The following ARVCF variants were observed in gnomAD, a reference collection of about 807,000 sequenced individuals.
ARVCF encodes ARVCF delta catenin family member.
In ARVCF, 66 loss-of-function variants were observed where a neutral mutation model predicts 90.9. The ratio of observed to expected loss-of-function variants is 0.73; its 90% confidence interval spans 0.60 to 0.89. ARVCF has a LOEUF of 0.89. Ranked by LOEUF, ARVCF falls within the 40% of genes least tolerant of loss-of-function variation. ARVCF has a pLI of 0.00. For missense variants in ARVCF, 1,469 were observed against 1,382.3 expected, an observed-to-expected ratio of 1.06 and a Z score of -1.00; for synonymous variants, 653 against 603.4, an observed-to-expected ratio of 1.08 and a Z score of -1.21.
chr22:20,008,708 G>T (rs770467865), intron 2 of ARVCF, among the ~76,000 whole-genome samples: 1 of 152,216 alleles, frequency 6.6e-6, no homozygotes, highest in Non-Finnish European at 1.5e-5. Flanking sequence ...GCAGGCAGCC[G>T]CAAGCCAGAG....
chr22:19,985,682 T>G (rs917479), intron 3 of ARVCF, among the ~76,000 whole-genome samples: 63,267 of 152,090 alleles, frequency 0.42, 13,869 homozygotes, highest in African/African-American at 0.55. Context: ...TGGTCCCATA[T>G]TACTTATCTA....
chr22:20,012,081 C>CA (rs950828486), intron 1 of ARVCF, among the ~76,000 whole-genome samples: 7 of 128,600 alleles, frequency 5.4e-5, no homozygotes, highest in Non-Finnish European at 7.1e-5. Context: ...TCCCAAAGTC[C>CA]CCCCCCCCCA....
rs1477386373 is a variant in ARVCF at position 19,980,216 on chromosome 22, C to T, written c.923G>A (p.Gly308Asp). Residue 308 changes from glycine (G) to aspartate (D), a missense_variant, in exon 6 of 20, where the codon GGC becomes GAC. Coordinates refer to ENST00000263207, the MANE Select transcript of ARVCF (RefSeq NM_001670.3). The part of the protein sequence containing the change: ...TRAYEDTADD[G>D]GELADERPAF... The stretch of plus-strand genomic sequence containing the variant: ...AGGCCGCTCGTCCGCCAGCTCGCCG[C>T]CATCATCTGCTGTGTCCTCGTAGGC... The T allele has an allele frequency of 1.9e-6, 3 of 1,541,248 alleles. No homozygotes were observed. The highest frequency in any genetic ancestry group is 2.6e-6 in the Non-Finnish European group (3 of 1,144,918).
At chr22:19,978,143 G>C in intron 7 of ARVCF, 68 bp from the exon 8 acceptor site, 1 of 1,445,910 alleles carries the variant, frequency 6.9e-7, no homozygotes. Context: ...CCCTGGCCTT[G>C]TGGGCTTGTC....
At chr22:20,000,722 G>C (rs2106140) in intron 2 of ARVCF, among the ~76,000 whole-genome samples, 1 of 152,014 alleles carries the variant, frequency 6.6e-6, no homozygotes, top group African/African-American at 2.4e-5. Flanking sequence ...AGGGCCTTTA[G>C]GAGGTGATTA....
intron 7 of ARVCF, among the ~76,000 whole-genome samples, chr22:19,978,421 C>T: frequency 6.6e-6 from 1 of 152,206 alleles, no homozygotes; most frequent in East Asian, 1.9e-4. Flanking sequence ...ACCCCAATGG[C>T]AGCTCTGGGC....
downstream of ARVCF, chr22:19,968,838 A>T (rs181896876): frequency 4.7e-5 from 53 of 1,126,428 alleles, no homozygotes; most frequent in African/African-American, 6.4e-4. Context: ...TGTGTCCTAA[A>T]TGCAAAGCAC....
At chr22:19,968,743 C>CT, downstream of ARVCF, 1 of 1,607,958 alleles carries the variant, frequency 6.2e-7, no homozygotes, top group Non-Finnish European at 8.5e-7. Flanking sequence ...CTGACTGCCC[C>CT]CCCGGCCCCC....
rs758731278 is a variant in ARVCF at position 19,972,385 on chromosome 22, C to T, written c.2668G>A (p.Val890Met). 10 of 1,613,574 alleles carry T rather than the reference C, an allele frequency of 6.2e-6. No homozygotes were observed. In the African/African-American group the frequency reaches 9.3e-5, roughly 15 times the overall value. The change falls in exon 17 of 20, where the codon GTG (valine) becomes ATG (methionine). Residue 890 changes from valine to methionine, a missense_variant. Physicochemically the swap from Val to Met is conservative, Grantham distance 21. Coordinates refer to ENST00000263207, the MANE Select transcript of ARVCF (RefSeq NM_001670.3). The part of the protein sequence containing the change: ...LEGEKTGSRD[V>M]IPMDALGPDG... ...GGGCCCAGCGCATCCATGGGGATCA[C>T]ATCCCGGCTGCCAGTTTTCTCGCCC...
In ARVCF at chr22:19,981,960, A is replaced by G; in HGVS notation, c.342T>C (p.Asp114=). Residue 114 remains aspartate (D), a synonymous_variant, in exon 4 of 20, where the codon GAT becomes GAC. Transcript: ENST00000263207. ...TSHVSIVTSE[D]GTTRRTETKV... is the part of the protein sequence containing the mutation. The stretch of plus-strand genomic sequence containing the variant: ...TGGTCTCGGTGCGCCGGGTTGTGCC[A>G]TCTTCGGATGTGACAATAGACACAT... 1 of 1,612,832 alleles carries G rather than the reference A, an allele frequency of 6.2e-7. No homozygotes were observed. Among genetic ancestry groups the G allele is most frequent in the African/African-American group, 1.3e-5 (1 of 74,924 alleles).
Position 19,990,730 on chromosome 22 carries a change from C to T in ARVCF, c.65G>A (p.Arg22His), listed in dbSNP as rs186539515. The T allele has an allele frequency of 2.8e-5, 45 of 1,592,952 alleles. No individual in the cohort carries two copies. In the Admixed American group the frequency reaches 3.3e-4, roughly 12 times the overall value. The change falls in exon 3 of 20, where the codon CGC (arginine) becomes CAC (histidine). Residue 22 changes from arginine (R) to histidine (H), a missense_variant. Coordinates refer to ENST00000263207, the MANE Select transcript of ARVCF (RefSeq NM_001670.3). The stretch of plus-strand genomic sequence containing the variant: ...CAGTGCCCGTGTCAGCCTCTCGAAG[C>T]GGGCCTCCTGCTCCTTCACCGAGGC... ...ILASVKEQEARFERLTRALEQ... is the reference protein window; with the variant it reads ...ILASVKEQEAHFERLTRALEQ...
chr22:20,003,280 A>G (rs916516994), intron 2 of ARVCF, among the ~76,000 whole-genome samples: 1 of 152,232 alleles, frequency 6.6e-6, no homozygotes, highest in African/African-American at 2.4e-5. Context: ...TCTACCAAAC[A>G]TTCAAGTAAT....
At chr22:20,002,735 G>A (rs1015248341) in intron 2 of ARVCF, among the ~76,000 whole-genome samples, 4 of 152,202 alleles carry the variant, frequency 2.6e-5, no homozygotes, top group African/African-American at 9.7e-5. Flanking sequence ...ACCACCACAA[G>A]TTTGTGAGAA....
intron 2 of ARVCF, among the ~76,000 whole-genome samples, chr22:19,992,261 C>T (rs1160474280): frequency 6.6e-6 from 1 of 152,230 alleles, no homozygotes; most frequent in Non-Finnish European, 1.5e-5. Flanking sequence ...AAACTGTCAA[C>T]ACAACCTTTC....
intron 11 of ARVCF, among the ~76,000 whole-genome samples, 200 bp from the exon 12 acceptor site, chr22:19,974,439 G>A (rs1463329364): frequency 6.6e-6 from 1 of 152,148 alleles, no homozygotes; most frequent in Non-Finnish European, 1.5e-5. Flanking sequence ...GGAACAAACT[G>A]AGGCTCAAAT....
chr22:19,984,750 C>T (rs1943677066), intron 3 of ARVCF, among the ~76,000 whole-genome samples: 1 of 152,230 alleles, frequency 6.6e-6, no homozygotes, highest in Non-Finnish European at 1.5e-5. Context: ...CGTCCTCCAC[C>T]GTGTATCGGA....
At chr22:20,008,413 C>G (rs555331184) in intron 2 of ARVCF, among the ~76,000 whole-genome samples, 1 of 152,326 alleles carries the variant, frequency 6.6e-6, no homozygotes, top group African/African-American at 2.4e-5. Flanking sequence ...CCCAGCTCCC[C>G]CTCCTAAGGG....
chr22:19,973,451 C>T, intron 13 of ARVCF, 134 bp from the exon 14 acceptor site: 2 of 1,318,338 alleles, frequency 1.5e-6, no homozygotes, highest in Non-Finnish European at 2.0e-6. Context: ...TCACAGGAGC[C>T]CCTGTGAGCA....
chr22:20,011,680 G>C (rs894312452), intron 1 of ARVCF, among the ~76,000 whole-genome samples: 1 of 152,166 alleles, frequency 6.6e-6, no homozygotes, highest in Admixed American at 6.5e-5. Context: ...ACCTGAGATG[G>C]GCAGGCCCGG....
Sources: allele counts gnomAD v4.1 joint callset (sites outside exome capture counted in the v4.1 genomes callset), GRCh38; gene constraint gnomAD v4.1.1; transcripts MANE v1.5; gene names NCBI Gene and HGNC (gene_info 2026-07-23, HGNC 2026-07-21).